KDM3A: variants seen among roughly 807,000 people sequenced by gnomAD.
The protein encoded by KDM3A is lysine demethylase 3A.
In KDM3A, 60 loss-of-function variants were observed where a neutral mutation model predicts 158.0. The ratio of observed to expected loss-of-function variants is 0.38; its 90% CI spans 0.31 to 0.47. KDM3A has a LOEUF of 0.47. Among genes scored for constraint, KDM3A ranks in the 20% least tolerant of loss-of-function variants. The pLI is 0.99. For synonymous variants in KDM3A, 608 were observed against 549.3 expected (o/e 1.11, Z -1.49); for missense variants, 1,319 against 1,574.3 (o/e 0.84, Z 2.74).
chr2:86,459,655 T>C (rs538837047), intron 8 of KDM3A, among the ~76,000 whole-genome samples: 1 of 152,236 alleles, frequency 6.6e-6, no homozygotes, highest in African/African-American at 2.4e-5. Context: ...AGAAAGGTGT[T>C]TGAGCAAGTA....
chr2:86,469,137 A>T (rs144938645), intron 10 of KDM3A, among the ~76,000 whole-genome samples: 1 of 152,346 alleles, frequency 6.6e-6, no homozygotes, highest in African/African-American at 2.4e-5. Context: ...TAACAGCATC[A>T]TGTAGAAATT....
chr2:86,467,655 G>C lies in KDM3A; in HGVS notation c.1519+772G>C, dbSNP rs1250773199. The stretch of plus-strand genomic sequence containing the variant: ...ACAAAATGTTTTCAGCATGTCAAAA[G>C]GTTTAGAGCTATTAGAATTTAAAGA... On this transcript the variant is annotated intron_variant, in intron 10 of 25. Transcript: ENST00000312912. Among the ~76,000 whole-genome samples, 4 of 152,258 alleles carry C rather than the reference G, an allele frequency of 2.6e-5. No individual in the cohort carries two copies. In the East Asian group the frequency reaches 7.7e-4, roughly 29 times the overall value.
intron 8 of KDM3A, among the ~76,000 whole-genome samples, chr2:86,458,475 T>C (rs905181856): frequency 1.2e-4 from 19 of 152,216 alleles, no homozygotes; most frequent in Non-Finnish European, 2.9e-5. Flanking sequence ...AGTACATCCA[T>C]CCAAGAAACC....
chr2:86,460,085 G>A (rs760356446), intron 8 of KDM3A, among the ~76,000 whole-genome samples: 5 of 152,078 alleles, frequency 3.3e-5, no homozygotes, highest in African/African-American at 4.8e-5. Flanking sequence ...GAAAAGTATA[G>A]TAAAGAATAG....
chr2:86,455,588 C>A (rs558358115), intron 5 of KDM3A, among the ~76,000 whole-genome samples: 116 of 151,666 alleles, frequency 7.6e-4, no homozygotes, highest in African/African-American at 2.8e-3. Flanking sequence ...ATTTAAAATT[C>A]AAAAAATGTG....
chr2:86,484,411 A>G (rs532131447), intron 19 of KDM3A, among the ~76,000 whole-genome samples: 28 of 152,360 alleles, frequency 1.8e-4, no homozygotes, highest in Non-Finnish European at 3.2e-4. Context: ...TCTGAGCAGA[A>G]TAAGTAATTT....
At chr2:86,440,068 TG>T (rs1333179243), upstream of KDM3A, among the ~76,000 whole-genome samples, 2 of 152,226 alleles carry the variant, frequency 1.3e-5, no homozygotes, top group Non-Finnish European at 2.9e-5. Flanking sequence ...CCATATGTTC[TG>T]GTTTCTTTTG....
At chr2:86,471,723 T>C (rs1002490889) in intron 11 of KDM3A, among the ~76,000 whole-genome samples, 1 of 151,952 alleles carries the variant, frequency 6.6e-6, no homozygotes, top group African/African-American at 2.4e-5. Context: ...GAAGTAAGAG[T>C]TTTTTAGGTA....
chr2:86,492,148 G>T lies in KDM3A; in HGVS notation c.*29G>T. ...CCCTGCACATTGGAAATGAATTACA[G>T]GCAGCTGTTCAAACTCTTCAGGCAG... On this transcript the variant is annotated 3_prime_UTR_variant, in exon 26 of 26. Transcript: ENST00000312912. 6.5e-7 allele frequency: 1 copy of T among 1,536,196 alleles called. No homozygotes were observed. The highest frequency in any genetic ancestry group is 9.0e-7 in the Non-Finnish European group (1 of 1,110,396).
At chr2:86,485,096 G>A (rs1674117750) in intron 20 of KDM3A, 67 bp downstream of exon 20, 1 of 918,640 alleles carries the variant, frequency 1.1e-6, no homozygotes, top group South Asian at 1.5e-5. Context: ...CTTTTTTGAG[G>A]TAGTGAGAAA....
chr2:86,481,828 T>A, intron 16 of KDM3A, 102 bp from the exon 17 acceptor site: 2 of 864,816 alleles, frequency 2.3e-6, no homozygotes, highest in Non-Finnish European at 3.6e-6. Context: ...TTTGTTTCAG[T>A]AAATAGAAAG....
At position 86,466,373 on chromosome 2, in the gene KDM3A, T is replaced by A. The variant is rs369600731; in HGVS notation, c.1009T>A (p.Cys337Ser). 2 of 1,603,884 alleles carry A rather than the reference T, an allele frequency of 1.2e-6. No individual in the cohort carries two copies. Among genetic ancestry groups the A allele is most frequent in the Non-Finnish European group, 1.7e-6 (2 of 1,175,650 alleles). ...PNLGAKIPQG[C>S]HKQSLPEEIS... ...AGCTTTCTATATTATATTTTTCAGA[T>A]GTCATAAACAAAGTTTACCAGAGGA... Residue 337 changes from cysteine (C) to serine (S), a missense_variant and splice_region_variant, in exon 10 of 26, where the codon TGT becomes AGT. Physicochemically the swap from Cys to Ser is moderately radical, Grantham distance 112. This residue lies in a region of KDM3A where 652 missense variants were observed against 627.2 expected (regional missense o/e 1.04). Transcript: ENST00000312912.
At position 86,442,105 on chromosome 2, in the gene KDM3A, C is replaced by T. The variant is rs768165732; in HGVS notation, c.58C>T (p.Leu20=). The change falls in exon 2 of 26, where the codon CTG becomes TTG. Residue 20 remains leucine (L), a synonymous_variant. Coordinates refer to ENST00000312912, the MANE Select transcript of KDM3A (RefSeq NM_018433.6). ...PVLVGRRFLS[L]SAADGSDGSH... is the part of the protein sequence containing the mutation. ...ATTGGTGGGGAGGAGGTTTCTCAGT[C>T]TGTCCGCAGCCGACGGCAGCGATGG... The T allele has an allele frequency of 9.9e-6, 16 of 1,614,040 alleles. No homozygotes were observed. Among genetic ancestry groups the T allele is most frequent in the South Asian group, 2.2e-5 (2 of 91,082 alleles).
chr2:86,476,514 TGTGA>T (rs879677748), intron 12 of KDM3A, among the ~76,000 whole-genome samples: 54 of 152,314 alleles, frequency 3.5e-4, no homozygotes, highest in Admixed American at 3.9e-4. Context: ...AGAAACTCAC[TGTGA>T]GTGATACTGA....
Position 86,471,645 on chromosome 2 carries a change from A to T in KDM3A, c.1724+1237A>T, listed in dbSNP as rs985825064. On this transcript the variant is annotated intron_variant, in intron 11 of 25. Coordinates refer to ENST00000312912, the MANE Select transcript of KDM3A (RefSeq NM_018433.6). ...AGTTAAAAGATTGCTGATGAGCTGA[A>T]TTAAATGCACAGGGAATTTAGATCA... 2.0e-5 allele frequency among the ~76,000 whole-genome samples: 3 copies of T among 152,320 alleles called. No individual in the cohort carries two copies. The East Asian group carries it at 5.8e-4, about 29-fold the overall frequency.
At chr2:86,451,255 C>T (rs370493777) in intron 4 of KDM3A, 42 bp downstream of exon 4, 50 of 1,289,016 alleles carry the variant, frequency 3.9e-5, no homozygotes, top group Middle Eastern at 1.9e-4. Context: ...AACAGAAATA[C>T]GAACTCCTTT....
chr2:86,453,593 C>T (rs149318453), intron 4 of KDM3A, among the ~76,000 whole-genome samples: 1 of 152,258 alleles, frequency 6.6e-6, no homozygotes, highest in Admixed American at 6.5e-5. Context: ...AAGCCCTTTG[C>T]GGCTCTTTCC....
At chr2:86,476,111 A>C (rs1673648867) in intron 12 of KDM3A, among the ~76,000 whole-genome samples, 1 of 152,250 alleles carries the variant, frequency 6.6e-6, no homozygotes, top group South Asian at 2.1e-4. Flanking sequence ...TGTTTAAGAC[A>C]AGCAATATTA....
chr2:86,465,308 A>G (rs748986285), intron 9 of KDM3A, among the ~76,000 whole-genome samples: 5 of 152,148 alleles, frequency 3.3e-5, no homozygotes, highest in Non-Finnish European at 5.9e-5. Context: ...AACAAACAAG[A>G]ATGAAATTAT....
Sources: gnomAD v4.1 joint callset for allele counts (sites outside exome capture counted in the v4.1 genomes callset) on GRCh38, gnomAD v4.1.1 for gene constraint, gnomAD v4.1.1 regional missense constraint, MANE v1.5 for transcripts, NCBI Gene and HGNC (gene_info 2026-07-23, HGNC 2026-07-21) for gene names.